Variants in CCSER1 observed in about 807,000 individuals in gnomAD.
CCSER1 encodes serine-rich coiled-coil domain-containing protein 1.
In CCSER1, 41 loss-of-function variants were observed where a neutral mutation model predicts 82.0. The observed-to-expected ratio is 0.50, with a 90% CI of 0.39 to 0.65. The LOEUF is 0.65. Among genes scored for constraint, CCSER1 ranks in the 30% least tolerant of loss-of-function variants. CCSER1 has a pLI of 0.00. For synonymous variants in CCSER1, 414 were observed against 383.9 expected, an observed-to-expected ratio of 1.08 and a Z score of -0.92; for missense variants, 1,119 against 1,064.2, an observed-to-expected ratio of 1.05 and a Z score of -0.72.
chr4:90,311,501 T>A (rs998827362), intron 2 of CCSER1, among the ~76,000 whole-genome samples: 1 of 152,160 alleles, frequency 6.6e-6, no homozygotes, highest in Non-Finnish European at 1.5e-5. Flanking sequence ...TTGAAAATAT[T>A]CATGTGCTAT....
chr4:90,511,577 G>T (rs1397858206), intron 5 of CCSER1, among the ~76,000 whole-genome samples: 1 of 152,184 alleles, frequency 6.6e-6, no homozygotes, highest in Non-Finnish European at 1.5e-5. Flanking sequence ...AAGTGGAATA[G>T]ATAAATGAGG....
chr4:90,847,586 TC>T (rs1763370740), intron 8 of CCSER1, among the ~76,000 whole-genome samples: 4 of 152,224 alleles, frequency 2.6e-5, no homozygotes, highest in South Asian at 4.1e-4. Context: ...GATACTTACT[TC>T]ACCAGACTCA....
chr4:90,975,653 A>G (rs992744176), intron 9 of CCSER1, among the ~76,000 whole-genome samples: 4 of 151,198 alleles, frequency 2.6e-5, no homozygotes, highest in Non-Finnish European at 5.9e-5. Flanking sequence ...TAGTAGTAGT[A>G]TGGTTATCAT....
Position 91,089,372 on chromosome 4 carries a change from T to G in CCSER1, c.2217+3378T>G, listed in dbSNP as rs376002901. On this transcript the variant is annotated intron_variant, in intron 10 of 10. Coordinates refer to ENST00000509176, the MANE Select transcript of CCSER1 (RefSeq NM_001145065.2). Reference sequence around the variant, plus strand: ...GCAGGCCCAGGCCTGGTTTTGGGTCTGGTGCCTGGCTCTGGGCTGCCTGCC... The same window carrying G: ...GCAGGCCCAGGCCTGGTTTTGGGTCGGGTGCCTGGCTCTGGGCTGCCTGCC... Among the ~76,000 whole-genome samples the G allele has an allele frequency of 7.9e-5, 12 of 152,348 alleles. No homozygotes were observed. In the East Asian group the frequency reaches 1.7e-3, roughly 22 times the overall value.
intron 8 of CCSER1, among the ~76,000 whole-genome samples, chr4:90,849,790 TAAAAAA>T (rs750879193): frequency 1.3e-5 from 1 of 76,984 alleles, no homozygotes; most frequent in Non-Finnish European, 2.6e-5. Context: ...CTCCATCTCA[TAAAAAA>T]AAAAAAAAAA....
chr4:91,541,475 G>A (rs150008847), intron 10 of CCSER1, among the ~76,000 whole-genome samples: 2,547 of 152,226 alleles, frequency 0.017, 58 homozygotes, highest in African/African-American at 0.057. Flanking sequence ...AGAACATGCG[G>A]TGTTTGGTTT....
chr4:90,263,217 C>T (rs1274768083), intron 1 of CCSER1, among the ~76,000 whole-genome samples: 1 of 152,206 alleles, frequency 6.6e-6, no homozygotes, highest in Non-Finnish European at 1.5e-5. Context: ...GGCATTCTCC[C>T]TCTTCCCCTA....
intron 9 of CCSER1, among the ~76,000 whole-genome samples, chr4:91,047,551 T>C (rs1301534253): frequency 6.6e-6 from 1 of 152,290 alleles, no homozygotes; most frequent in Admixed American, 6.5e-5. Context: ...TTGGATTCCA[T>C]TTCTGATTAC....
At chr4:91,545,949 A>G (rs1214258402) in intron 10 of CCSER1, among the ~76,000 whole-genome samples, 1 of 152,152 alleles carries the variant, frequency 6.6e-6, no homozygotes, top group Non-Finnish European at 1.5e-5. Flanking sequence ...ATTAAGTTCA[A>G]GAAGTTCCCC....
chr4:90,866,700 T>A (rs1048174122), intron 8 of CCSER1, among the ~76,000 whole-genome samples: 1 of 152,064 alleles, frequency 6.6e-6, no homozygotes, highest in African/African-American at 2.4e-5. Context: ...ACTTCACTAT[T>A]TTTTCTCATC....
intron 10 of CCSER1, among the ~76,000 whole-genome samples, chr4:91,422,634 G>A (rs1026464214): frequency 1.3e-5 from 2 of 152,012 alleles, no homozygotes; most frequent in Non-Finnish European, 2.9e-5. Context: ...ATTCTTAGGT[G>A]ATTTTTTAAA....
At chr4:91,009,324 A>G (rs1255121882) in intron 9 of CCSER1, among the ~76,000 whole-genome samples, 1 of 152,178 alleles carries the variant, frequency 6.6e-6, no homozygotes, top group Admixed American at 6.5e-5. Flanking sequence ...TCCCTCTCCC[A>G]GTGCTTTCAG....
chr4:90,350,284 C>T (rs990236326), intron 3 of CCSER1, among the ~76,000 whole-genome samples: 5 of 151,866 alleles, frequency 3.3e-5, no homozygotes, highest in South Asian at 4.2e-4. Flanking sequence ...AGATTATTTG[C>T]GAGTGTTATA....
At chr4:91,191,013 A>G (rs1333406732) in intron 10 of CCSER1, among the ~76,000 whole-genome samples, 2 of 152,204 alleles carry the variant, frequency 1.3e-5, no homozygotes, top group Non-Finnish European at 2.9e-5. Context: ...AACATAATGG[A>G]TGCTTTATAA....
At chr4:91,412,637 G>A (rs1753125294) in intron 10 of CCSER1, among the ~76,000 whole-genome samples, 1 of 151,982 alleles carries the variant, frequency 6.6e-6, no homozygotes, top group Non-Finnish European at 1.5e-5. Context: ...AGATTCAACA[G>A]TAGGCACATG....
Position 90,980,915 on chromosome 4 carries a change from G to A in CCSER1, c.2172+57468G>A, listed in dbSNP as rs1016868047. On this transcript the variant is annotated intron_variant, in intron 9 of 10. Transcript: ENST00000509176. ...AATGTTATCTAGAATTTCCGGTAGC[G>A]CATGCTATTGGTGCCCTGCCCATAG... 4.0e-5 allele frequency among the ~76,000 whole-genome samples: 6 copies of A among 151,892 alleles called. No homozygotes were observed. The East Asian group carries it at 5.9e-4, about 15-fold the overall frequency.
At chr4:91,419,543 T>G (rs550412940) in intron 10 of CCSER1, among the ~76,000 whole-genome samples, 46 of 152,158 alleles carry the variant, frequency 3.0e-4, no homozygotes, top group African/African-American at 1.0e-3. Flanking sequence ...GAGATTTTGA[T>G]GAAAGAAATT....
intron 10 of CCSER1, among the ~76,000 whole-genome samples, chr4:91,209,423 G>T (rs76940812): frequency 0.034 from 5,130 of 151,914 alleles, 119 homozygotes; most frequent in Middle Eastern, 0.054. Context: ...TAACATGAAG[G>T]TATGTTGAAT....
intron 4 of CCSER1, among the ~76,000 whole-genome samples, chr4:90,463,313 T>C (rs972225504): frequency 6.6e-6 from 1 of 152,222 alleles, no homozygotes; most frequent in Non-Finnish European, 1.5e-5. Context: ...GCAGTTGATA[T>C]ATTTAAATGA....
Sources: allele counts gnomAD v4.1 joint callset (sites outside exome capture counted in the v4.1 genomes callset), GRCh38; gene constraint gnomAD v4.1.1; transcripts MANE v1.5; gene names NCBI Gene and HGNC (gene_info 2026-07-23, HGNC 2026-07-21).